Variants in FANCA observed in about 807,000 individuals in gnomAD.
FANCA encodes the protein FA complementation group A, also known as Fanconi anemia group A protein.
A neutral mutation model predicts 194.3 loss-of-function variants in FANCA; 236 were observed. The observed-to-expected ratio is 1.21, with a 90% confidence interval of 1.09 to 1.35. The LOEUF is 1.35. Among genes scored for constraint, FANCA ranks in the 40% most tolerant of loss-of-function variants. The pLI, the probability that FANCA is intolerant of heterozygous loss-of-function variation, is 0.00. For missense variants in FANCA, 2,628 were observed against 1,813.9 expected (o/e 1.45, Z -8.15); for synonymous variants, 1,014 against 715.8 (o/e 1.42, Z -6.65).
In FANCA at chr16:89,791,445, C is replaced by A; in HGVS notation, c.1317G>T (p.Leu439=). The part of the protein sequence containing the change: ...TAFLVVRQAA[L]EGPSAFLSYA... ...ATGACAGGAACGCAGAGGGGCCCTC[C>A]AGTGCTGCCTGGCGCACAACCAGGA... The change falls in exon 14 of 43, where the codon CTG becomes CTT. Residue 439 remains leucine (L), a synonymous_variant. Transcript: ENST00000389301. The A allele has an allele frequency of 1.9e-6, 3 of 1,614,140 alleles. No homozygotes were observed. The highest frequency in any genetic ancestry group is 2.5e-6 in the Non-Finnish European group (3 of 1,180,008).
At chr16:89,780,066 A>G in intron 17 of FANCA, 109 bp from the exon 18 acceptor site, 1 of 1,010,840 alleles carries the variant, frequency 9.9e-7, no homozygotes. Context: ...GGCTCTGTAC[A>G]CATTAAAGGT....
Position 89,740,107 on chromosome 16 carries a change from C to T in FANCA, c.3829-8G>A, listed in dbSNP as rs1272324196. Reference sequence around the variant, plus strand: ...TGGCAGGTCTGTGGTGCTCTGTAAACCGCAGGAGACCAACCCTGAGAATGG... The same window carrying T: ...TGGCAGGTCTGTGGTGCTCTGTAAATCGCAGGAGACCAACCCTGAGAATGG... On this transcript the variant is annotated splice_polypyrimidine_tract_variant and splice_region_variant and intron_variant, in intron 38 of 42. Transcript: ENST00000389301. 1 of 1,612,832 alleles carries T rather than the reference C, an allele frequency of 6.2e-7. No homozygotes were observed. The highest frequency in any genetic ancestry group is 1.7e-5 in the Admixed American group (1 of 60,030).
At position 89,802,188 on chromosome 16, in the gene FANCA, C is replaced by A. The variant is rs555643020; in HGVS notation, c.792+1071G>T. ...GCGCAATCTTGGCTCACTGCAACCT[C>A]CGCCTCCTGGGTTCAAGCAATTCTC... On this transcript the variant is annotated intron_variant, in intron 8 of 42. Coordinates refer to ENST00000389301, the MANE Select transcript of FANCA (RefSeq NM_000135.4). 2.0e-5 allele frequency among the ~76,000 whole-genome samples: 3 copies of A among 152,186 alleles called. No homozygotes were observed. The South Asian group carries it at 6.2e-4, about 32-fold the overall frequency.
intron 14 of FANCA, among the ~76,000 whole-genome samples, chr16:89,787,084 T>C (rs1455205965): frequency 1.3e-5 from 2 of 152,176 alleles, no homozygotes; most frequent in African/African-American, 2.4e-5. Flanking sequence ...ACAGCAGCCA[T>C]TGTTAGAGTT....
At chr16:89,796,721 G>T (rs1044026576) in intron 10 of FANCA, among the ~76,000 whole-genome samples, 3 of 152,130 alleles carry the variant, frequency 2.0e-5, no homozygotes, top group African/African-American at 4.8e-5. Flanking sequence ...CGATTCCCCA[G>T]GTAAGAAAAT....
intron 20 of FANCA, chr16:89,778,551 C>A: frequency 2.2e-6 from 1 of 465,034 alleles, no homozygotes; most frequent in Non-Finnish European, 3.8e-6. Flanking sequence ...TCGCTTGAAC[C>A]TAAGATGTGG....
chr16:89,784,038 G>A (rs1342631671), intron 15 of FANCA, among the ~76,000 whole-genome samples: 1 of 152,088 alleles, frequency 6.6e-6, no homozygotes, highest in African/African-American at 2.4e-5. Context: ...TGGGTTACAG[G>A]TGTGAGCCAC....
chr16:89,740,111 AG>A lies in FANCA; in HGVS notation c.3829-13del. 1 of 1,612,670 alleles carries A rather than the reference AG, an allele frequency of 6.2e-7. No individual in the cohort carries two copies. On this transcript the variant is annotated splice_polypyrimidine_tract_variant and intron_variant, in intron 38 of 42. Transcript: ENST00000389301. ...AGGTCTGTGGTGCTCTGTAAACCGC[AG>A]GAGACCAACCCTGAGAATGGCCGAC...
At chr16:89,793,149 C>G (rs17232505) in intron 11 of FANCA, among the ~76,000 whole-genome samples, 1 of 152,082 alleles carries the variant, frequency 6.6e-6, no homozygotes, top group Non-Finnish European at 1.5e-5. Flanking sequence ...AGAGTCTTCT[C>G]TAAACTCCCG....
At chr16:89,816,060 G>A (rs747003900) in intron 1 of FANCA, 74 bp from the exon 2 acceptor site, 11 of 1,151,418 alleles carry the variant, frequency 9.6e-6, no homozygotes, top group Non-Finnish European at 1.4e-5. Context: ...CGCGCAGGTG[G>A]ACGCCGCGGA....
At chr16:89,814,448 T>C in intron 3 of FANCA, 72 bp downstream of exon 3, 1 of 1,203,870 alleles carries the variant, frequency 8.3e-7, no homozygotes, top group Non-Finnish European at 1.2e-6. Flanking sequence ...TTCTACTTAA[T>C]TTAGCAAACT....
Position 89,738,282 on chromosome 16 carries a change from G to T in FANCA, c.*319C>A. Reference sequence around the variant, plus strand: ...GAGGATGAGCACCTCTAGCAGCCTGGACTCCGCAGTGGCTGTGTCAGCCTC... The same window carrying T: ...GAGGATGAGCACCTCTAGCAGCCTGTACTCCGCAGTGGCTGTGTCAGCCTC... On this transcript the variant is annotated 3_prime_UTR_variant, in exon 43 of 43. Coordinates refer to ENST00000389301, the MANE Select transcript of FANCA (RefSeq NM_000135.4). 6.4e-7 allele frequency: 1 copy of T among 1,557,470 alleles called. No homozygotes were observed. The highest frequency in any genetic ancestry group is 1.2e-5 in the South Asian group (1 of 85,596).
intron 3 of FANCA, among the ~76,000 whole-genome samples, chr16:89,813,527 C>A (rs182038538): frequency 6.6e-6 from 1 of 152,038 alleles, no homozygotes. Flanking sequence ...CTGCCTCCCA[C>A]GTTCAAGCAA....
chr16:89,779,968 T>C lies in FANCA; in HGVS notation c.1627-11A>G. 1.2e-6 allele frequency: 2 copies of C among 1,612,870 alleles called. No individual in the cohort carries two copies. The highest frequency in any genetic ancestry group is 2.2e-5 in the East Asian group (1 of 44,864). On this transcript the variant is annotated splice_polypyrimidine_tract_variant and intron_variant, in intron 17 of 42. Transcript: ENST00000389301. ...AGCTTGGCTGTGGGGCTGGTTCCCA[T>C]ACAGGGAGGAAAGGAAAAAGAACAG...
intron 29 of FANCA, among the ~76,000 whole-genome samples, chr16:89,760,669 G>A (rs758282884): frequency 1.3e-5 from 2 of 152,108 alleles, no homozygotes; most frequent in Non-Finnish European, 2.9e-5. Context: ...AGTCTCAAAT[G>A]GTCTCAGTCA....
intron 26 of FANCA, among the ~76,000 whole-genome samples, 169 bp from the exon 27 acceptor site, chr16:89,767,406 C>T (rs531791848): frequency 2.6e-5 from 4 of 152,280 alleles, no homozygotes; most frequent in South Asian, 2.1e-4. Flanking sequence ...CTTGCTCTGC[C>T]GCCCAGGCTG....
At position 89,746,668 on chromosome 16, in the gene FANCA, C is replaced by T. The variant is rs146062039; in HGVS notation, c.3429G>A (p.Leu1143=). 2.8e-5 allele frequency: 45 copies of T among 1,614,150 alleles called. No individual in the cohort carries two copies. The East Asian group carries it at 9.6e-4, about 34-fold the overall frequency. ...CCATCAGGGAGGGGTCTCTGCTCCG[C>T]AGACAGGCGTTCAGGAGGCCCTGCA... The part of the protein sequence containing the change: ...HFFRGLLNAC[L]RSRDPSLMVD... Residue 1143 remains leucine, a synonymous_variant, in exon 35 of 43, where the codon CTG becomes CTA. Transcript: ENST00000389301.
chr16:89,795,724 G>C lies in FANCA; in HGVS notation c.1006+182C>G, dbSNP rs8051231. 0.43 allele frequency among the ~76,000 whole-genome samples: 66,044 copies of C among 152,114 alleles called. 15,975 individuals are homozygous for C. The highest frequency in any genetic ancestry group is 0.75 in the East Asian group (3,911 of 5,188). On this transcript the variant is annotated intron_variant, in intron 11 of 42. Coordinates refer to ENST00000389301, the MANE Select transcript of FANCA (RefSeq NM_000135.4). ...CTGAATTTTCTTATAAAAATCTGTT[G>C]CTTTCAGGTAAAAGGATATTTAGTA...
chr16:89,815,834 C>G (rs776380519), intron 2 of FANCA, 43 bp downstream of exon 2: 2 of 1,488,656 alleles, frequency 1.3e-6, no homozygotes, highest in East Asian at 2.3e-5. Flanking sequence ...TCAAAAACCC[C>G]GAACCTAAAT....
Sources: gnomAD v4.1 joint callset for allele counts (sites outside exome capture counted in the v4.1 genomes callset) on GRCh38, gnomAD v4.1.1 for gene constraint, MANE v1.5 for transcripts, NCBI Gene and HGNC (gene_info 2026-07-23, HGNC 2026-07-21) for gene names.